PRPSAP1: variants seen among roughly 807,000 people sequenced by gnomAD.
The protein encoded by PRPSAP1 is phosphoribosyl pyrophosphate synthase-associated protein 1.
A neutral mutation model predicts 39.4 loss-of-function variants in PRPSAP1; 31 were observed. That is an observed-to-expected ratio of 0.79 (90% CI 0.59 to 1.06). The LOEUF (loss-of-function observed/expected upper bound fraction) is 1.06. Among genes scored for constraint, PRPSAP1 ranks in the 50% least tolerant of loss-of-function variants. The probability of loss-of-function intolerance (pLI) is 0.00; values close to 1 mark genes in which losing one functional copy is unlikely to be tolerated. For missense variants in PRPSAP1, 430 were observed against 511.6 expected, an observed-to-expected ratio of 0.84 and a Z score of 1.54; for synonymous variants, 212 against 192.6, an observed-to-expected ratio of 1.10 and a Z score of -0.83.
chr17:76,353,541 T>G lies in PRPSAP1; in HGVS notation c.163A>C (p.Ile55Leu). The G allele has an allele frequency of 6.5e-7, 1 of 1,531,984 alleles. No individual in the cohort carries two copies. The highest frequency in any genetic ancestry group is 8.7e-7 in the Non-Finnish European group (1 of 1,144,198). The allele number at this position is 1,531,984 out of a possible 1,614,324, so 94.9% of individuals were successfully genotyped here. A position where few individuals can be genotyped will look rare whatever the true frequency, so the allele number is the denominator to read the frequency against. ...CTCCCACCGCCCCCTTACTCTGTGATGCGCTTGGCCAGCTCCGTGCAGGCG... is the reference window on the plus strand; with the variant it reads ...CTCCCACCGCCCCCTTACTCTGTGAGGCGCTTGGCCAGCTCCGTGCAGGCG... ...TAACTELAKRITERLGAELGK... is the reference protein window; with the variant it reads ...TAACTELAKRLTERLGAELGK... The change falls in exon 1 of 10, where the codon ATC (isoleucine) becomes CTC (leucine). Residue 55 changes from isoleucine (I) to leucine (L), a missense_variant. Physicochemically the swap from Ile to Leu is conservative, Grantham distance 5. Transcript: ENST00000446526.
chr17:76,341,289 G>GTAGA (rs1190227649), intron 3 of PRPSAP1, among the ~76,000 whole-genome samples: 1 of 144,682 alleles, frequency 6.9e-6, no homozygotes, highest in Non-Finnish European at 1.5e-5. Flanking sequence ...CCAGGTTAGA[G>GTAGA]TAGAGTGGTG....
intron 1 of PRPSAP1, among the ~76,000 whole-genome samples, chr17:76,352,270 C>A (rs994033976): frequency 9.9e-5 from 15 of 152,126 alleles, no homozygotes; most frequent in African/African-American, 3.4e-4. Context: ...TCTTAGATTT[C>A]TAACAAGTGT....
chr17:76,345,555 G>T (rs73355765), intron 2 of PRPSAP1, among the ~76,000 whole-genome samples: 1,848 of 149,608 alleles, frequency 0.012, 49 homozygotes, highest in African/African-American at 0.044. Context: ...GCTGCAGTGT[G>T]AGCTGAAACT....
intron 7 of PRPSAP1, among the ~76,000 whole-genome samples, chr17:76,321,527 G>A (rs545829495): frequency 1.4e-4 from 21 of 151,588 alleles, no homozygotes; most frequent in South Asian, 4.2e-4. Flanking sequence ...ACACACACAC[G>A]CACAAAAAAA....
intron 3 of PRPSAP1, among the ~76,000 whole-genome samples, chr17:76,333,616 G>C (rs1274588775): frequency 1.3e-5 from 2 of 151,802 alleles, no homozygotes; most frequent in Non-Finnish European, 2.9e-5. Flanking sequence ...CTGCACTCCA[G>C]CCTGGGCAAC....
At position 76,348,510 on chromosome 17, in the gene PRPSAP1, A is replaced by G; in HGVS notation, c.223+19T>C. ...TAAATAAAAAATAATTTTAAAAAAA[A>G]GAAATAATTTTAACTTACCTCCATT... On this transcript the variant is annotated intron_variant, in intron 2 of 9. Coordinates refer to ENST00000446526, the MANE Select transcript of PRPSAP1 (RefSeq NM_002766.3). 1 of 1,386,290 alleles carries G rather than the reference A, an allele frequency of 7.2e-7. No individual in the cohort carries two copies. The highest frequency in any genetic ancestry group is 9.4e-7 in the Non-Finnish European group (1 of 1,061,830). 85.9% of individuals were successfully genotyped at this position (1,386,290 alleles called of 1,614,324 possible).
chr17:76,329,377 A>AT (rs2071294151), intron 6 of PRPSAP1, among the ~76,000 whole-genome samples: 1 of 152,128 alleles, frequency 6.6e-6, no homozygotes. Flanking sequence ...ATTCTAGATA[A>AT]TTTTGATTCT....
intron 3 of PRPSAP1, among the ~76,000 whole-genome samples, chr17:76,336,175 G>A (rs577787807): frequency 2.6e-4 from 40 of 152,274 alleles, no homozygotes; most frequent in East Asian, 1.9e-3. Flanking sequence ...GGCCGGACGC[G>A]GTGGCTCACG....
intron 7 of PRPSAP1, among the ~76,000 whole-genome samples, chr17:76,320,979 C>G (rs1392657123): frequency 6.6e-6 from 1 of 151,702 alleles, no homozygotes; most frequent in African/African-American, 2.4e-5. Flanking sequence ...GACAAGGTTT[C>G]ACCATGTTGC....
chr17:76,314,228 G>GTATGTATGTATGT lies in PRPSAP1; in HGVS notation c.782-338_782-337insACATACATACATA, dbSNP rs149061354. The GTATGTATGTATGT allele has an allele frequency of 7.6e-5, 21 of 275,110 alleles. 1 individual carries two copies. Among genetic ancestry groups the GTATGTATGTATGT allele is most frequent in the African/African-American group, 4.7e-4 (21 of 44,618 alleles). 17.0% of individuals were successfully genotyped at this position (275,110 alleles called of 1,614,324 possible). On this transcript the variant is annotated intron_variant, in intron 7 of 9. Coordinates refer to ENST00000446526, the MANE Select transcript of PRPSAP1 (RefSeq NM_002766.3). ...TGTATGTATGTATGTATGTATGTAT[G>GTATGTATGTATGT]TATTTTTTGAGACGGAGTTTTGCTC...
At chr17:76,351,019 C>A (rs1446962166) in intron 1 of PRPSAP1, among the ~76,000 whole-genome samples, 1 of 151,226 alleles carries the variant, frequency 6.6e-6, no homozygotes, top group Admixed American at 6.6e-5. Context: ...GCAACAAGAG[C>A]AAAACTTCGT....
chr17:76,332,606 T>G (rs140709449), intron 3 of PRPSAP1, among the ~76,000 whole-genome samples, 171 bp from the exon 4 acceptor site: 1,754 of 152,322 alleles, frequency 0.012, 34 homozygotes, highest in African/African-American at 0.039. Context: ...TCTGACTTTT[T>G]GTAGCTGAGT....
chr17:76,336,521 C>T (rs1354075023), intron 3 of PRPSAP1, among the ~76,000 whole-genome samples: 3 of 151,252 alleles, frequency 2.0e-5, no homozygotes, highest in East Asian at 1.9e-4. Context: ...TTACCTGGGT[C>T]GGGAGTTCGA....
rs1486257298 is a variant in PRPSAP1, at chr17:76,330,678, A to T, written c.464-12T>A. 1.3e-6 allele frequency: 2 copies of T among 1,570,564 alleles called. No homozygotes were observed. ...AATGTGAGTTAAACCTGAAATTTTA[A>T]AACAAAAAATTACAAAGTTCACCCC... On this transcript the variant is annotated splice_polypyrimidine_tract_variant and intron_variant, in intron 4 of 9. Transcript: ENST00000446526.
intron 1 of PRPSAP1, among the ~76,000 whole-genome samples, chr17:76,349,751 A>T (rs2071547726): frequency 6.6e-6 from 1 of 151,888 alleles, no homozygotes; most frequent in Non-Finnish European, 1.5e-5. Flanking sequence ...ACAGGAGCGA[A>T]ACTCCATCTC....
In PRPSAP1 at chr17:76,311,554, A is replaced by G. The variant is rs759661956; in HGVS notation, c.1146T>C (p.Thr382=). The change falls in exon 10 of 10, where the codon ACT becomes ACC. Residue 382 remains threonine, a synonymous_variant. Transcript: ENST00000446526. ...ACCCTCGTGAAAGCTAGTCATCCAC[A>G]GTGATGTTTCGGAAAAGGTAGGCCA... ...ESMAYLFRNI[T]VDD The G allele has an allele frequency of 1.5e-5, 24 of 1,613,858 alleles. No homozygotes were observed. The highest frequency in any genetic ancestry group is 3.3e-4 in the Middle Eastern group (2 of 6,058).
chr17:76,334,845 G>T (rs975453310), intron 3 of PRPSAP1, among the ~76,000 whole-genome samples: 1 of 152,138 alleles, frequency 6.6e-6, no homozygotes, highest in African/African-American at 2.4e-5. Context: ...ATCTTTGGTA[G>T]AATCAAAGCA....
intron 1 of PRPSAP1, among the ~76,000 whole-genome samples, chr17:76,350,649 G>T (rs920342497): frequency 6.6e-6 from 1 of 152,166 alleles, no homozygotes; most frequent in Non-Finnish European, 1.5e-5. Context: ...TTCTGTTTGG[G>T]ATGATGAAAA....
intron 4 of PRPSAP1, 23 bp downstream of exon 4, chr17:76,332,240 C>T (rs769068410): frequency 6.2e-7 from 1 of 1,610,258 alleles, no homozygotes; most frequent in East Asian, 2.2e-5. Context: ...TGCTGGAACC[C>T]CAGGGCCCCC....
Sources: gnomAD v4.1 joint callset for allele counts (sites outside exome capture counted in the v4.1 genomes callset) on GRCh38, gnomAD v4.1.1 for gene constraint, MANE v1.5 for transcripts, NCBI Gene and HGNC (gene_info 2026-07-23, HGNC 2026-07-21) for gene names.